The following COL4A1 variants were observed in gnomAD, a reference collection of about 807,000 sequenced individuals.
COL4A1 encodes the protein collagen type IV alpha 1 chain, also known as collagen alpha-1(IV) chain.
A neutral mutation model predicts 216.6 loss-of-function variants in COL4A1; 40 were observed. That is an observed-to-expected ratio of 0.18 (90% CI 0.14 to 0.24). COL4A1 has a LOEUF of 0.24. Ranked by LOEUF, COL4A1 falls within the 10% of genes least tolerant of loss-of-function variation. COL4A1 has a pLI of 1.00. For synonymous variants in COL4A1, 839 were observed against 810.7 expected, an observed-to-expected ratio of 1.03 and a Z score of -0.59; for missense variants, 1,628 against 2,196.8, an observed-to-expected ratio of 0.74 and a Z score of 5.18.
intron 44 of COL4A1, among the ~76,000 whole-genome samples, chr13:110,166,795 C>T (rs571692664): frequency 3.9e-5 from 6 of 152,286 alleles, no homozygotes; most frequent in East Asian, 1.9e-4. Flanking sequence ...CTGTTTTATT[C>T]ACCTTTCACG....
intron 40 of COL4A1, among the ~76,000 whole-genome samples, chr13:110,173,098 T>C (rs990627612): frequency 1.3e-5 from 2 of 152,094 alleles, no homozygotes; most frequent in Non-Finnish European, 2.9e-5. Context: ...CATCCACTAA[T>C]TGCTATTCTC....
chr13:110,191,579 G>T (rs555307063), intron 24 of COL4A1: 2 of 638,160 alleles, frequency 3.1e-6, no homozygotes, highest in East Asian at 2.8e-5. Context: ...TAAGAAGCTG[G>T]TATTTTGTTC....
At chr13:110,278,780 C>A (rs1883516356) in intron 1 of COL4A1, among the ~76,000 whole-genome samples, 1 of 152,162 alleles carries the variant, frequency 6.6e-6, no homozygotes, top group South Asian at 2.1e-4. Flanking sequence ...AGCCACGCCT[C>A]TTGACAGGAT....
At chr13:110,272,251 A>G (rs941915705) in intron 1 of COL4A1, among the ~76,000 whole-genome samples, 4 of 152,256 alleles carry the variant, frequency 2.6e-5, no homozygotes, top group Admixed American at 6.5e-5. Flanking sequence ...AAAATGAAGT[A>G]TACCTACACA....
chr13:110,178,297 C>A, intron 31 of COL4A1, 66 bp from the exon 32 acceptor site: 3 of 1,595,928 alleles, frequency 1.9e-6, no homozygotes, highest in Non-Finnish European at 2.6e-6. Flanking sequence ...ATGTACAGTG[C>A]TCTGTTTAAC....
rs1325506457 is a variant in COL4A1 at position 110,169,510 on chromosome 13, AC to A, written c.3876+118del. The A allele has an allele frequency of 4.0e-6, 6 of 1,517,436 alleles. No individual in the cohort carries two copies. The African/African-American group carries it at 8.3e-5, about 21-fold the overall frequency. 94.0% of individuals were successfully genotyped at this position (1,517,436 alleles called of 1,614,324 possible). ...ATGTGGGAGTGTAACACACACACAC[AC>A]ACACACACACACACATATATATACA... On this transcript the variant is annotated intron_variant, in intron 43 of 51. Coordinates refer to ENST00000375820, the MANE Select transcript of COL4A1 (RefSeq NM_001845.6).
intron 50 of COL4A1, among the ~76,000 whole-genome samples, chr13:110,154,294 A>C (rs1274536258): frequency 6.6e-6 from 1 of 152,270 alleles, no homozygotes; most frequent in African/African-American, 2.4e-5. Flanking sequence ...ATAGAATAAA[A>C]TAAGCTACAA....
intron 49 of COL4A1, among the ~76,000 whole-genome samples, chr13:110,159,735 C>G (rs886744399): frequency 6.6e-6 from 1 of 152,168 alleles, no homozygotes; most frequent in Non-Finnish European, 1.5e-5. Flanking sequence ...AGAAACAAAA[C>G]GTGGCACCTA....
rs563160638 is a variant in COL4A1, at chr13:110,288,843, C to T, written c.84+18101G>A. On this transcript the variant is annotated intron_variant, in intron 1 of 51. Coordinates refer to ENST00000375820, the MANE Select transcript of COL4A1 (RefSeq NM_001845.6). The stretch of plus-strand genomic sequence containing the variant: ...GGTCAGGAGTTCCAGACCAGCCTGG[C>T]CAACATGGTGAAACCCTATCTCTAC... Among the ~76,000 whole-genome samples, 74 of 152,178 alleles carry T rather than the reference C, an allele frequency of 4.9e-4. 1 individual carries two copies. The East Asian group carries it at 0.012, about 25-fold the overall frequency.
At chr13:110,206,597 G>A in intron 15 of COL4A1, 68 bp downstream of exon 15, 1 of 1,541,908 alleles carries the variant, frequency 6.5e-7, no homozygotes. Context: ...TTGTGTTTCT[G>A]TGAATCTGCG....
chr13:110,182,945 C>T (rs770906497), intron 28 of COL4A1, 48 bp downstream of exon 28: 17 of 1,549,736 alleles, frequency 1.1e-5, no homozygotes, highest in Non-Finnish European at 1.5e-5. Flanking sequence ...TCTTTTCTCA[C>T]AGAAGTCACA....
At chr13:110,161,778 G>A (rs1877097705) in intron 48 of COL4A1, among the ~76,000 whole-genome samples, 1 of 152,224 alleles carries the variant, frequency 6.6e-6, no homozygotes, top group African/African-American at 2.4e-5. Flanking sequence ...AGATAATGAG[G>A]ACAGATATGT....
intron 1 of COL4A1, among the ~76,000 whole-genome samples, chr13:110,262,312 C>T (rs1254612033): frequency 2.0e-5 from 3 of 152,174 alleles, no homozygotes; most frequent in Admixed American, 2.0e-4. Context: ...GGACCCAGCG[C>T]CCTCACCCTC....
Position 110,161,202 on chromosome 13 carries a change from A to C in COL4A1, c.4630T>G (p.Phe1544Val). 6.2e-7 allele frequency: 1 copy of C among 1,614,170 alleles called. No individual in the cohort carries two copies. ...AGATGCTCGACTCACCTACTAATAA[A>C]TGGTCTTATGTTTTCCCCCGTGATG... is the stretch of plus-strand genomic sequence containing the variant. ...APITGENIRP[F>V]ISRCAVCEAP... is the part of the protein sequence containing the mutation. The change falls in exon 49 of 52, where the codon TTT becomes GTT. Residue 1544 changes from phenylalanine to valine, a missense_variant. Physicochemically the swap from Phe to Val is conservative, Grantham distance 50 (BLOSUM62 -1). Transcript: ENST00000375820.
chr13:110,245,651 G>T (rs1489423107), intron 1 of COL4A1, among the ~76,000 whole-genome samples: 1 of 152,232 alleles, frequency 6.6e-6, no homozygotes, highest in Non-Finnish European at 1.5e-5. Flanking sequence ...TCTGCAATTT[G>T]AGGGAGGTTA....
intron 26 of COL4A1, among the ~76,000 whole-genome samples, chr13:110,185,705 C>T (rs796316976): frequency 3.3e-5 from 5 of 152,258 alleles, no homozygotes; most frequent in African/African-American, 7.2e-5. Context: ...CAAGGCCTAG[C>T]GCCACAGCCC....
intron 40 of COL4A1, 119 bp from the exon 41 acceptor site, chr13:110,172,889 T>G: frequency 1.2e-6 from 1 of 817,800 alleles, no homozygotes; most frequent in South Asian, 1.4e-5. Flanking sequence ...TACATAGATA[T>G]TAGTTAATTG....
chr13:110,278,001 C>T (rs949294518), intron 1 of COL4A1, among the ~76,000 whole-genome samples: 2 of 152,184 alleles, frequency 1.3e-5, no homozygotes, highest in Non-Finnish European at 1.5e-5. Context: ...CTTTTCTCCC[C>T]TTTCAAAATG....
At chr13:110,212,328 T>C in intron 6 of COL4A1, 89 bp downstream of exon 6, 1 of 1,491,186 alleles carries the variant, frequency 6.7e-7, no homozygotes, top group South Asian at 1.1e-5. Context: ...CAAATAAAAC[T>C]CTATTAACAG....
Sources: gnomAD v4.1 joint callset for allele counts (sites outside exome capture counted in the v4.1 genomes callset) on GRCh38, gnomAD v4.1.1 for gene constraint, MANE v1.5 for transcripts, NCBI Gene and HGNC (gene_info 2026-07-23, HGNC 2026-07-21) for gene names.